The following DLGAP2 variants were observed in gnomAD, a reference collection of about 807,000 sequenced individuals.
DLGAP2 encodes the protein DLG associated protein 2.
In DLGAP2, 26 loss-of-function variants were observed where a neutral mutation model predicts 100.3. The observed-to-expected ratio is 0.26, with a 90% CI of 0.19 to 0.36. The LOEUF (loss-of-function observed/expected upper bound fraction) is 0.36. DLGAP2 is among the 10% of genes least tolerant of loss of function. DLGAP2 has a pLI of 1.00. For missense variants in DLGAP2, 1,858 were observed against 1,453.2 expected (o/e 1.28, Z -4.53); for synonymous variants, 886 against 630.1 (o/e 1.41, Z -6.08).
intron 2 of DLGAP2, among the ~76,000 whole-genome samples, chr8:1,190,888 T>G (rs188911669): frequency 1.3e-5 from 2 of 152,096 alleles, no homozygotes; most frequent in African/African-American, 4.8e-5. Context: ...GGCCGTTCAG[T>G]GCACGGGGCG....
intron 4 of DLGAP2, among the ~76,000 whole-genome samples, chr8:1,529,893 GT>G (rs1800932014): frequency 6.6e-6 from 1 of 152,178 alleles, no homozygotes; most frequent in Non-Finnish European, 1.5e-5. Flanking sequence ...AAACCAGCAC[GT>G]TTTTATTAGG....
At chr8:1,690,433 G>A (rs969450465) in intron 12 of DLGAP2, among the ~76,000 whole-genome samples, 11 of 151,814 alleles carry the variant, frequency 7.2e-5, no homozygotes, top group South Asian at 2.1e-4. Flanking sequence ...AGCCAGGCAC[G>A]GTGGCTCACG....
At chr8:1,454,067 A>G (rs959526774) in intron 3 of DLGAP2, among the ~76,000 whole-genome samples, 3 of 152,246 alleles carry the variant, frequency 2.0e-5, no homozygotes, top group South Asian at 2.1e-4. Context: ...ACAGATCGCA[A>G]AGTTGAAATC....
chr8:1,122,884 A>G (rs1447512326), intron 2 of DLGAP2, among the ~76,000 whole-genome samples: 3 of 152,138 alleles, frequency 2.0e-5, no homozygotes, highest in Non-Finnish European at 1.5e-5. Context: ...GTTAGGCTCT[A>G]AATGGAATCA....
chr8:1,046,081 C>T (rs1357292459), intron 2 of DLGAP2, among the ~76,000 whole-genome samples: 1 of 152,002 alleles, frequency 6.6e-6, no homozygotes, highest in Non-Finnish European at 1.5e-5. Context: ...GGAAAGCAGC[C>T]CAGCAATATA....
At chr8:1,481,878 G>T (rs1412337732) in intron 3 of DLGAP2, among the ~76,000 whole-genome samples, 1 of 152,216 alleles carries the variant, frequency 6.6e-6, no homozygotes, top group Non-Finnish European at 1.5e-5. Flanking sequence ...AGGGCACCCA[G>T]TGGGTTGATC....
chr8:1,685,033 A>G lies in DLGAP2; in HGVS notation c.2704+6404A>G, dbSNP rs183649739. Among the ~76,000 whole-genome samples the G allele has an allele frequency of 1.1e-3, 163 of 152,244 alleles. 3 individuals carry two copies. Among genetic ancestry groups the G allele is most frequent in the African/African-American group, 3.7e-3 (152 of 41,516 alleles). On this transcript the variant is annotated intron_variant, in intron 12 of 14. Transcript: ENST00000637795. ...GGAGGAACATAGGGATTTGCTCACT[A>G]AGTTCTCCTTTTACAGCCAGAATGA...
Position 1,508,095 on chromosome 8 carries a change from T to C in DLGAP2, c.172+6664T>C, listed in dbSNP as rs546201041. Among the ~76,000 whole-genome samples, 35 of 152,078 alleles carry C rather than the reference T, an allele frequency of 2.3e-4. No homozygotes were observed. In the South Asian group the frequency reaches 2.9e-3, roughly 13 times the overall value. On this transcript the variant is annotated intron_variant, in intron 4 of 14. Transcript: ENST00000637795. ...TTTTAACAACCCCGTTTTTAAATTT[T>C]ATTTCCACACAAACACATCAGATAC...
intron 3 of DLGAP2, among the ~76,000 whole-genome samples, chr8:1,436,545 A>C (rs1176444314): frequency 6.6e-6 from 1 of 152,194 alleles, no homozygotes; most frequent in African/African-American, 2.4e-5. Flanking sequence ...AATACTTTGC[A>C]TCCTTCAATC....
intron 2 of DLGAP2, among the ~76,000 whole-genome samples, chr8:1,029,317 C>G (rs1801907264): frequency 1.3e-5 from 2 of 152,194 alleles, no homozygotes; most frequent in Admixed American, 1.3e-4. Context: ...AGAGTACAAC[C>G]TGGGACAAAT....
intron 3 of DLGAP2, among the ~76,000 whole-genome samples, chr8:1,293,991 C>G (rs1008680588): frequency 6.6e-6 from 1 of 152,306 alleles, no homozygotes; most frequent in Admixed American, 6.5e-5. Flanking sequence ...CAGCCTTTCC[C>G]GGGGTCTCGG....
intron 1 of DLGAP2, among the ~76,000 whole-genome samples, chr8:803,971 C>A (rs1299011391): frequency 6.6e-6 from 1 of 152,068 alleles, no homozygotes; most frequent in Non-Finnish European, 1.5e-5. Flanking sequence ...ACTGTAGCTC[C>A]AATGTGAATT....
At chr8:784,385 C>G (rs143835815) in intron 1 of DLGAP2, among the ~76,000 whole-genome samples, 1 of 152,050 alleles carries the variant, frequency 6.6e-6, no homozygotes, top group Admixed American at 6.5e-5. Flanking sequence ...GAGAGGAAAA[C>G]GTCTTTTAAG....
intron 2 of DLGAP2, among the ~76,000 whole-genome samples, chr8:1,101,336 G>T (rs1368866293): frequency 1.3e-5 from 2 of 152,212 alleles, no homozygotes; most frequent in African/African-American, 2.4e-5. Flanking sequence ...TGCTCTGCTT[G>T]CAGAATCAGT....
intron 2 of DLGAP2, among the ~76,000 whole-genome samples, chr8:1,201,830 T>G (rs1797880697): frequency 1.3e-5 from 2 of 151,990 alleles, no homozygotes; most frequent in Admixed American, 1.3e-4. Flanking sequence ...TGTAGGTGCT[T>G]GTGTGTACAC....
At chr8:1,120,937 C>A (rs1796027047) in intron 2 of DLGAP2, among the ~76,000 whole-genome samples, 1 of 151,792 alleles carries the variant, frequency 6.6e-6, no homozygotes, top group Non-Finnish European at 1.5e-5. Context: ...CCATGACCTG[C>A]CATCCTTATC....
At chr8:1,213,374 C>G (rs1282471935) in intron 2 of DLGAP2, among the ~76,000 whole-genome samples, 2 of 148,918 alleles carry the variant, frequency 1.3e-5, no homozygotes, top group Non-Finnish European at 2.9e-5. Context: ...CTGTGTATTG[C>G]AATGATAATC....
intron 1 of DLGAP2, among the ~76,000 whole-genome samples, chr8:800,923 C>G (rs1796138307): frequency 6.6e-6 from 1 of 150,600 alleles, no homozygotes; most frequent in South Asian, 2.1e-4. Flanking sequence ...TCAAATGCTG[C>G]TCCTCTCCTT....
rs561544983 is a variant in DLGAP2 at position 1,346,192 on chromosome 8, C to T, written c.106+87309C>T. 2.6e-5 allele frequency among the ~76,000 whole-genome samples: 4 copies of T among 152,344 alleles called. No individual in the cohort carries two copies. In the East Asian group the frequency reaches 7.7e-4, roughly 29 times the overall value. On this transcript the variant is annotated intron_variant, in intron 3 of 14. Transcript: ENST00000637795. ...GTGGAGTTTGAGTTCCCATACAGAGCTGCATTGCACTCACGGTAGCTGTGT... is the reference window on the plus strand; with the variant it reads ...GTGGAGTTTGAGTTCCCATACAGAGTTGCATTGCACTCACGGTAGCTGTGT...
Sources: allele counts gnomAD v4.1 joint callset (sites outside exome capture counted in the v4.1 genomes callset), GRCh38; gene constraint gnomAD v4.1.1; transcripts MANE v1.5; gene names NCBI Gene and HGNC (gene_info 2026-07-23, HGNC 2026-07-21).